Variants in TET2 observed in about 807,000 individuals in gnomAD.
TET2 encodes the protein tet methylcytosine dioxygenase 2.
A neutral mutation model predicts 142.9 loss-of-function variants in TET2; 299 were observed. That is an observed-to-expected ratio of 2.09 (90% CI 1.90 to 2.30). The LOEUF (loss-of-function observed/expected upper bound fraction) is 2.30, where lower values mean the gene tolerates loss of function less well. Ranked by LOEUF, TET2 falls within the 30% of genes most tolerant of loss-of-function variation. The probability of loss-of-function intolerance (pLI) is 0.00; values close to 1 mark genes in which losing one functional copy is unlikely to be tolerated. For missense variants in TET2, 2,418 were observed against 2,378.0 expected (o/e 1.02, Z -0.35); for synonymous variants, 819 against 849.0 (o/e 0.96, Z 0.61).
intron 2 of TET2, among the ~76,000 whole-genome samples, chr4:105,191,368 A>G (rs1375962874): frequency 6.6e-6 from 1 of 152,194 alleles, no homozygotes; most frequent in East Asian, 1.9e-4. Flanking sequence ...GGGAACTAAT[A>G]TATTTTTGTC....
intron 9 of TET2, among the ~76,000 whole-genome samples, chr4:105,271,900 A>C (rs772741828): frequency 1.3e-5 from 2 of 152,204 alleles, no homozygotes; most frequent in Non-Finnish European, 2.9e-5. Context: ...TATTTCAGAA[A>C]AGAAATGAAG....
In TET2 at chr4:105,235,563, C is replaced by G. The variant is rs2110228466; in HGVS notation, c.1621C>G (p.Leu541Val). Residue 541 changes from leucine to valine, a missense_variant, in exon 3 of 11, where the codon CTG becomes GTG. Coordinates refer to ENST00000380013, the MANE Select transcript of TET2 (RefSeq NM_001127208.3). ...GATGAGAAACAAAGAGCAAGAGATT[C>G]TGAAGGGTCGAGACAAGGAGCAAAC... Reference protein sequence around the residue: ...QLMRNKEQEILKGRDKEQTRD... With the variant: ...QLMRNKEQEIVKGRDKEQTRD... 1 of 1,614,180 alleles carries G rather than the reference C, an allele frequency of 6.2e-7. No homozygotes were observed. The highest frequency in any genetic ancestry group is 8.5e-7 in the Non-Finnish European group (1 of 1,180,032).
intron 2 of TET2, among the ~76,000 whole-genome samples, chr4:105,222,212 T>C (rs1578647305): frequency 6.6e-6 from 1 of 152,228 alleles, no homozygotes; most frequent in East Asian, 1.9e-4. Context: ...TGATTTATAG[T>C]CCTTTGGGTA....
Position 105,234,006 on chromosome 4 carries a change from C to A in TET2, c.64C>A (p.Pro22Thr). The change falls in exon 3 of 11, where the codon CCT (proline) becomes ACT (threonine). Residue 22 changes from proline (P) to threonine (T), a missense_variant. Coordinates refer to ENST00000380013, the MANE Select transcript of TET2 (RefSeq NM_001127208.3). ...NRLSPFLIPS[P>T]PICQTEPLAT... The stretch of plus-strand genomic sequence containing the variant: ...ACTAAGTCCATTCCTGATACCATCA[C>A]CTCCCATTTGCCAGACAGAACCTCT... 2 of 1,614,122 alleles carry A rather than the reference C, an allele frequency of 1.2e-6. No individual in the cohort carries two copies. The highest frequency in any genetic ancestry group is 1.7e-6 in the Non-Finnish European group (2 of 1,180,012).
chr4:105,226,609 C>G (rs1027774296), intron 2 of TET2, among the ~76,000 whole-genome samples: 1 of 150,992 alleles, frequency 6.6e-6, no homozygotes, highest in African/African-American at 2.4e-5. Context: ...TTCCCTCCCT[C>G]TCTCCTTCCC....
At chr4:105,177,939 G>C (rs1396121961) in intron 1 of TET2, 1 of 152,032 alleles carries the variant, frequency 6.6e-6, no homozygotes, top group African/African-American at 2.4e-5. Context: ...ATACAAAAAA[G>C]TAGCTGGGTG....
In TET2 at chr4:105,236,834, AAC is replaced by A. The variant is rs776959041; in HGVS notation, c.2896_2897del (p.Gln966AlafsTer5). 6.2e-7 allele frequency: 1 copy of A among 1,614,142 alleles called. No individual in the cohort carries two copies. Among genetic ancestry groups the A allele is most frequent in the Non-Finnish European group, 8.5e-7 (1 of 1,180,010 alleles). Reference sequence around the variant, plus strand: ...TCTTACAGAAGCAAGAACAGCAGCAAACACAGCAACCCCAAACTGAGTCTTGC... The same window carrying A: ...TCTTACAGAAGCAAGAACAGCAGCAAACAGCAACCCCAAACTGAGTCTTGC... ...HLLQKQEQQQTQQPQTESCHS... is the reference protein window; with the variant it reads ...HLLQKQEQQQXQQPQTESCHS... On this transcript the variant is annotated frameshift_variant, in exon 3 of 11. Transcript: ENST00000380013. LOFTEE classifies it high-confidence loss of function.
chr4:105,210,230 A>G (rs903645451), intron 2 of TET2, among the ~76,000 whole-genome samples: 2 of 152,154 alleles, frequency 1.3e-5, no homozygotes, highest in African/African-American at 4.8e-5. Flanking sequence ...AGAAGTATAG[A>G]TCTGAGATTG....
chr4:105,146,318 GC>G, upstream of TET2: 1 of 152,656 alleles, frequency 6.6e-6, no homozygotes, highest in East Asian at 1.9e-4. Context: ...CTCCCACCTC[GC>G]CCCCAACCTT....
chr4:105,255,591 A>G (rs537342782), intron 6 of TET2, among the ~76,000 whole-genome samples: 5 of 152,108 alleles, frequency 3.3e-5, no homozygotes, highest in East Asian at 1.9e-4. Context: ...TAAATTATCT[A>G]TTTATTCCTT....
In TET2 at chr4:105,196,165, CT is replaced by C. The variant is rs568308818; in HGVS notation, c.-47+5672del. Reference sequence around the variant, plus strand: ...CCTAATTGTTCCCTCTGCCTCTGTTCTTTTTTTTTTTTCTGATGATCAGTTC... The same window carrying C: ...CCTAATTGTTCCCTCTGCCTCTGTTCTTTTTTTTTTTCTGATGATCAGTTC... On this transcript the variant is annotated intron_variant, in intron 2 of 10. Coordinates refer to ENST00000380013, the MANE Select transcript of TET2 (RefSeq NM_001127208.3). 6.7e-3 allele frequency among the ~76,000 whole-genome samples: 982 copies of C among 145,828 alleles called. 4 individuals are homozygous for C. The highest frequency in any genetic ancestry group is 0.011 in the Non-Finnish European group (704 of 65,996).
At position 105,234,527 on chromosome 4, in the gene TET2, GA is replaced by G; in HGVS notation, c.587del (p.Asn196ThrfsTer11). 6.2e-7 allele frequency: 1 copy of G among 1,614,098 alleles called. No homozygotes were observed. Among genetic ancestry groups the G allele is most frequent in the Non-Finnish European group, 8.5e-7 (1 of 1,180,006 alleles). On this transcript the variant is annotated frameshift_variant, in exon 3 of 11. Transcript: ENST00000380013. LOFTEE classifies it high-confidence loss of function. ...EGKSANYHDK[N>X]IVLLKNKAVL... ...GGAAAAGTGCTAATTACCATGACAA[GA>G]ACATTGTATTACTTAAAAACAAGGC...
At position 105,237,301 on chromosome 4, in the gene TET2, T is replaced by A; in HGVS notation, c.3359T>A (p.Leu1120Ter). Residue 1120 changes from leucine to a stop codon, truncating the protein, a stop_gained, in exon 3 of 11, where the codon TTG becomes TAG. Coordinates refer to ENST00000380013, the MANE Select transcript of TET2 (RefSeq NM_001127208.3). LOFTEE classifies it high-confidence loss of function. Reference protein sequence around the residue: ...KLLDTPIKNLLDTPVKTQYDF... With the variant: ...KLLDTPIKNL The stretch of plus-strand genomic sequence containing the variant: ...CTAGATACTCCTATAAAAAATTTAT[T>A]GGATACACCTGTCAAGACTCAATAT... 6.2e-7 allele frequency: 1 copy of A among 1,614,172 alleles called. No individual in the cohort carries two copies. The highest frequency in any genetic ancestry group is 1.3e-5 in the African/African-American group (1 of 75,080).
intron 1 of TET2, among the ~76,000 whole-genome samples, chr4:105,149,434 G>T (rs1020205721): frequency 6.6e-6 from 1 of 152,168 alleles, no homozygotes; most frequent in Non-Finnish European, 1.5e-5. Flanking sequence ...GAAGAGATGT[G>T]TATGTTAGTC....
chr4:105,254,600 T>C (rs974270761), intron 6 of TET2, among the ~76,000 whole-genome samples: 17 of 152,012 alleles, frequency 1.1e-4, no homozygotes, highest in African/African-American at 3.9e-4. Flanking sequence ...TTATTAGAGA[T>C]GGAGTTTTCC....
At chr4:105,239,075 T>TTTTTTTGTG (rs1235088703) in intron 3 of TET2, 120 of 80,942 alleles carry the variant, frequency 1.5e-3, no homozygotes, top group Middle Eastern at 8.2e-3. Flanking sequence ...TTGTTTTTTG[T>TTTTTTTGTG]TTTTTTTTTT....
chr4:105,248,322 A>G (rs2110264685), intron 6 of TET2, among the ~76,000 whole-genome samples: 1 of 152,316 alleles, frequency 6.6e-6, no homozygotes, highest in East Asian at 1.9e-4. Context: ...ATTTAGTTAT[A>G]TAAAGTTAAA....
intron 1 of TET2, among the ~76,000 whole-genome samples, chr4:105,180,925 C>T (rs1396258150): frequency 2.0e-5 from 3 of 152,186 alleles, no homozygotes; most frequent in Admixed American, 1.3e-4. Context: ...AGGCGTGAGG[C>T]ACTGCATCTG....
In TET2 at chr4:105,243,714, G is replaced by A. The variant is rs1729432198; in HGVS notation, c.3739G>A (p.Glu1247Lys). Residue 1247 changes from glutamate (E) to lysine (K), a missense_variant, in exon 6 of 11, where the codon GAG (glutamate) becomes AAG (lysine). Glu to Lys is a moderately conservative substitution (Grantham distance 56). Coordinates refer to ENST00000380013, the MANE Select transcript of TET2 (RefSeq NM_001127208.3). ...PLSLADKLYS[E>K]LTETLRKYGT... ...GTCTCTGGCTGACAAACTCTACTCG[G>A]AGCTTACCGAGACGCTGAGGAAATA... 3 of 1,551,508 alleles carry A rather than the reference G, an allele frequency of 1.9e-6. No homozygotes were observed. The highest frequency in any genetic ancestry group is 2.6e-6 in the Non-Finnish European group (3 of 1,146,904).
Sources: gnomAD v4.1 joint callset for allele counts (sites outside exome capture counted in the v4.1 genomes callset) on GRCh38, gnomAD v4.1.1 for gene constraint, MANE v1.5 for transcripts, NCBI Gene and HGNC (gene_info 2026-07-23, HGNC 2026-07-21) for gene names.